The following CA10 variants were observed in gnomAD, a reference collection of about 807,000 sequenced individuals.
The protein encoded by CA10 is carbonic anhydrase-related protein 10.
A neutral mutation model predicts 44.2 loss-of-function variants in CA10; 14 were observed. That is an observed-to-expected ratio of 0.32 (90% confidence interval 0.21 to 0.50). The LOEUF (loss-of-function observed/expected upper bound fraction) is 0.50. Among genes scored for constraint, CA10 ranks in the 20% least tolerant of loss-of-function variants. CA10 has a pLI of 0.99. For missense variants in CA10, 350 were observed against 409.7 expected (o/e 0.85, Z 1.26); for synonymous variants, 159 against 141.6 (o/e 1.12, Z -0.87).
At position 51,915,684 on chromosome 17, in the gene CA10, T is replaced by C. The variant is rs191801707; in HGVS notation, c.279+15306A>G. On this transcript the variant is annotated intron_variant, in intron 3 of 8. Coordinates refer to ENST00000451037, the MANE Select transcript of CA10 (RefSeq NM_020178.5). ...TATCATAGCATCATACCATTAAGCC[T>C]TTTGGAAATTCATCACAAATCAGTA... Among the ~76,000 whole-genome samples the C allele has an allele frequency of 2.0e-3, 303 of 152,290 alleles. 3 individuals are homozygous for C. Among genetic ancestry groups the C allele is most frequent in the African/African-American group, 6.9e-3 (287 of 41,566 alleles).
chr17:51,710,930 T>G (rs1281660769), intron 4 of CA10, among the ~76,000 whole-genome samples: 1 of 146,144 alleles, frequency 6.8e-6, no homozygotes, highest in Non-Finnish European at 1.5e-5. Flanking sequence ...GCTTTTTTTT[T>G]TTTTTTTTTT....
intron 2 of CA10, among the ~76,000 whole-genome samples, chr17:52,066,344 C>G (rs1225480969): frequency 6.6e-6 from 1 of 152,192 alleles, no homozygotes; most frequent in Non-Finnish European, 1.5e-5. Context: ...CAATGAAATA[C>G]AGCAGGCTAA....
At chr17:52,089,721 AT>A (rs949978057) in intron 1 of CA10, among the ~76,000 whole-genome samples, 1 of 152,086 alleles carries the variant, frequency 6.6e-6, no homozygotes, top group Non-Finnish European at 1.5e-5. Context: ...ATGTATATAT[AT>A]TTTATATGAC....
At chr17:51,806,912 T>G (rs959088490) in intron 3 of CA10, among the ~76,000 whole-genome samples, 1 of 152,220 alleles carries the variant, frequency 6.6e-6, no homozygotes, top group African/African-American at 2.4e-5. Context: ...AACAAGATAG[T>G]AAGAGTTCCC....
At chr17:51,680,413 G>T (rs866604389) in intron 4 of CA10, among the ~76,000 whole-genome samples, 1 of 152,200 alleles carries the variant, frequency 6.6e-6, no homozygotes, top group East Asian at 1.9e-4. Flanking sequence ...AGAAACTCTG[G>T]TTCCCAGCTC....
chr17:51,645,432 C>T (rs1313315694), intron 6 of CA10, among the ~76,000 whole-genome samples: 2 of 152,198 alleles, frequency 1.3e-5, no homozygotes, highest in Non-Finnish European at 2.9e-5. Flanking sequence ...CTGTGTCCCT[C>T]TGAATGACTG....
intron 1 of CA10, among the ~76,000 whole-genome samples, chr17:52,088,381 A>T (rs1044500677): frequency 1.3e-5 from 2 of 151,616 alleles, no homozygotes; most frequent in East Asian, 3.8e-4. Context: ...AATGTGTAAC[A>T]ATGAGATTCT....
chr17:51,940,906 A>G (rs1443351631), intron 2 of CA10, among the ~76,000 whole-genome samples: 1 of 152,136 alleles, frequency 6.6e-6, no homozygotes, highest in Non-Finnish European at 1.5e-5. Context: ...CACCAAAGTG[A>G]TAGTGAAAAA....
intron 6 of CA10, among the ~76,000 whole-genome samples, chr17:51,645,818 G>T (rs1179383999): frequency 6.6e-6 from 1 of 152,222 alleles, no homozygotes; most frequent in Non-Finnish European, 1.5e-5. Flanking sequence ...TTCAGGAAAT[G>T]TTCACTTCTT....
At chr17:51,707,804 G>T (rs899982029) in intron 4 of CA10, among the ~76,000 whole-genome samples, 1 of 151,992 alleles carries the variant, frequency 6.6e-6, no homozygotes, top group South Asian at 2.1e-4. Flanking sequence ...GGAGAATAGT[G>T]GTTTGGGTTT....
intron 3 of CA10, among the ~76,000 whole-genome samples, chr17:51,853,974 G>A (rs1978922843): frequency 6.6e-6 from 1 of 152,132 alleles, no homozygotes; most frequent in South Asian, 2.1e-4. Context: ...TTATAGCAGT[G>A]TGAAAACGAA....
intron 3 of CA10, among the ~76,000 whole-genome samples, chr17:51,846,652 A>C (rs1471931478): frequency 6.6e-6 from 1 of 152,258 alleles, no homozygotes; most frequent in Non-Finnish European, 1.5e-5. Flanking sequence ...GAATGCCAGC[A>C]AAAAGGATGT....
chr17:52,047,169 CATGG>C (rs1303168308), intron 2 of CA10, among the ~76,000 whole-genome samples: 2 of 151,934 alleles, frequency 1.3e-5, no homozygotes, highest in African/African-American at 2.4e-5. Context: ...AACAATATAA[CATGG>C]ATGAACTTTA....
intron 4 of CA10, among the ~76,000 whole-genome samples, chr17:51,694,885 C>T (rs951677243): frequency 6.6e-6 from 1 of 152,114 alleles, no homozygotes; most frequent in Admixed American, 6.5e-5. Context: ...GGCTAGCTGG[C>T]TTTTCCAGCA....
In CA10 at chr17:52,091,132, A is replaced by T. The variant is rs1405538390; in HGVS notation, c.62-18739T>A. Among the ~76,000 whole-genome samples, 4 of 152,208 alleles carry T rather than the reference A, an allele frequency of 2.6e-5. No homozygotes were observed. In the East Asian group the frequency reaches 7.7e-4, roughly 29 times the overall value. ...AAAATCAGCATATAAAAAAGTATAT[A>T]AAATATGATCCTAATTTTGAGAAGG... is the stretch of plus-strand genomic sequence containing the variant. On this transcript the variant is annotated intron_variant, in intron 1 of 8. Coordinates refer to ENST00000451037, the MANE Select transcript of CA10 (RefSeq NM_020178.5).
At chr17:52,021,699 CT>C (rs1247333325) in intron 2 of CA10, among the ~76,000 whole-genome samples, 1 of 152,034 alleles carries the variant, frequency 6.6e-6, no homozygotes, top group Non-Finnish European at 1.5e-5. Flanking sequence ...CAAATAAGCA[CT>C]ATCAGAAACA....
At chr17:51,854,657 G>T (rs943005757) in intron 3 of CA10, among the ~76,000 whole-genome samples, 6 of 152,092 alleles carry the variant, frequency 3.9e-5, no homozygotes, top group African/African-American at 1.4e-4. Flanking sequence ...ATCAAGTCTT[G>T]GTTCCCCTTT....
chr17:51,808,969 TG>T (rs1907248337), intron 3 of CA10, among the ~76,000 whole-genome samples: 1 of 152,170 alleles, frequency 6.6e-6, no homozygotes, highest in South Asian at 2.1e-4. Context: ...AAATGTATTC[TG>T]TTTTTCAAAG....
chr17:51,705,451 T>G (rs1320434828), intron 4 of CA10, among the ~76,000 whole-genome samples: 1 of 152,086 alleles, frequency 6.6e-6, no homozygotes, highest in Non-Finnish European at 1.5e-5. Flanking sequence ...CTGGGTCTAG[T>G]TTGCTCACTA....
Sources: gnomAD v4.1 joint callset for allele counts (sites outside exome capture counted in the v4.1 genomes callset) on GRCh38, gnomAD v4.1.1 for gene constraint, MANE v1.5 for transcripts, NCBI Gene and HGNC (gene_info 2026-07-23, HGNC 2026-07-21) for gene names.